LINGO1: variants seen among roughly 807,000 people sequenced by gnomAD.
LINGO1 encodes leucine rich repeat and Ig domain containing 1, also known as leucine-rich repeat and immunoglobulin-like domain-containing nogo receptor-interacting protein 1.
A neutral mutation model predicts 37.3 loss-of-function variants in LINGO1; 11 were observed. That is an observed-to-expected ratio of 0.29 (90% CI 0.19 to 0.49). The LOEUF is 0.49. Ranked by LOEUF, LINGO1 falls within the 20% of genes least tolerant of loss-of-function variation. LINGO1 has a pLI of 0.99. For missense variants in LINGO1, 585 were observed against 878.2 expected, an observed-to-expected ratio of 0.67 and a Z score of 4.22; for synonymous variants, 387 against 403.0, an observed-to-expected ratio of 0.96 and a Z score of 0.48.
chr15:77,799,845 G>A (rs1006778212), intron 1 of LINGO1, among the ~76,000 whole-genome samples: 1 of 152,088 alleles, frequency 6.6e-6, no homozygotes, highest in Non-Finnish European at 1.5e-5. Flanking sequence ...GAGAGTAAGA[G>A]GGAACACCTT....
chr15:77,633,132 C>T (rs368188344), upstream of LINGO1, among the ~76,000 whole-genome samples: 2 of 151,870 alleles, frequency 1.3e-5, no homozygotes, highest in Non-Finnish European at 2.9e-5. Context: ...GGTGCGCAGG[C>T]GAGGGGCGCA....
upstream of LINGO1, among the ~76,000 whole-genome samples, chr15:77,634,891 G>A (rs1243605143): frequency 6.6e-6 from 1 of 152,220 alleles, no homozygotes; most frequent in Non-Finnish European, 1.5e-5. Flanking sequence ...CCCGGCGGGC[G>A]CGCAGACCCG....
chr15:77,776,538 G>GCAGGAAGGCAGGAAAGC (rs1481155294), intron 1 of LINGO1, among the ~76,000 whole-genome samples: 1 of 34,350 alleles, frequency 2.9e-5, no homozygotes, highest in African/African-American at 9.6e-5. Flanking sequence ...GGGAGGGAGG[G>GCAGGAAGGCAGGAAAGC]AGGGAGGGAG....
intron 1 of LINGO1, among the ~76,000 whole-genome samples, chr15:77,801,039 G>A (rs1309295776): frequency 6.6e-6 from 1 of 152,190 alleles, no homozygotes; most frequent in African/African-American, 2.4e-5. Flanking sequence ...AGGATGTGGG[G>A]AAATGAGCAC....
chr15:77,686,353 G>A (rs1006437977), intron 2 of LINGO1, among the ~76,000 whole-genome samples: 1 of 152,200 alleles, frequency 6.6e-6, no homozygotes, highest in African/African-American at 2.4e-5. Flanking sequence ...GTTCACTCAG[G>A]CGAGAGTGGA....
chr15:77,700,333 C>A (rs941954922), upstream of LINGO1, among the ~76,000 whole-genome samples: 1 of 152,224 alleles, frequency 6.6e-6, no homozygotes, highest in Non-Finnish European at 1.5e-5. Flanking sequence ...GGAGAAGGGG[C>A]AGAGCTGGGA....
chr15:77,702,117 TC>T (rs1486559147), intron 2 of LINGO1, among the ~76,000 whole-genome samples: 8 of 152,010 alleles, frequency 5.3e-5, no homozygotes, highest in Non-Finnish European at 1.2e-4. Context: ...GGTGTTTAGT[TC>T]CCCCAAGGCT....
At chr15:77,650,073 G>A (rs544056104) in intron 3 of LINGO1, among the ~76,000 whole-genome samples, 1 of 152,338 alleles carries the variant, frequency 6.6e-6, no homozygotes, top group Non-Finnish European at 1.5e-5. Context: ...TAAGCTCAGA[G>A]GTAAAATTGC....
At chr15:77,713,789 C>T (rs751660821) in intron 2 of LINGO1, among the ~76,000 whole-genome samples, 17 of 152,248 alleles carry the variant, frequency 1.1e-4, no homozygotes, top group Middle Eastern at 6.8e-3. Context: ...TTTGCCCTTC[C>T]TTTAGGAACC....
chr15:77,699,295 TAACCGTC>T (rs985612543), upstream of LINGO1, among the ~76,000 whole-genome samples: 2 of 149,208 alleles, frequency 1.3e-5, no homozygotes, highest in African/African-American at 2.5e-5. Flanking sequence ...AAGTGCATAC[TAACCGTC>T]ATCCCTACAC....
intron 1 of LINGO1, among the ~76,000 whole-genome samples, chr15:77,775,080 G>A (rs999025960): frequency 6.6e-6 from 1 of 152,240 alleles, no homozygotes; most frequent in Non-Finnish European, 1.5e-5. Flanking sequence ...ATGCTCAGAC[G>A]TGGGTCATCC....
chr15:77,635,422 A>G (rs2074377435), upstream of LINGO1, among the ~76,000 whole-genome samples: 1 of 151,978 alleles, frequency 6.6e-6, no homozygotes, highest in Non-Finnish European at 1.5e-5. Context: ...CTGGGTCCCC[A>G]CCCAGTTACC....
chr15:77,798,431 C>T (rs1256929208), intron 1 of LINGO1, among the ~76,000 whole-genome samples: 12 of 152,238 alleles, frequency 7.9e-5, no homozygotes, highest in Non-Finnish European at 2.9e-5. Flanking sequence ...CCATTCCGGG[C>T]CCCCGGCTGC....
At chr15:77,662,963 G>C (rs893104396) in intron 3 of LINGO1, among the ~76,000 whole-genome samples, 2 of 152,208 alleles carry the variant, frequency 1.3e-5, no homozygotes, top group Non-Finnish European at 2.9e-5. Flanking sequence ...GGAAGCCGGT[G>C]CTTCACCACA....
intron 1 of LINGO1, among the ~76,000 whole-genome samples, chr15:77,811,548 G>A (rs1438725845): frequency 6.6e-6 from 1 of 152,132 alleles, no homozygotes; most frequent in Admixed American, 6.5e-5. Flanking sequence ...CTGTGCCTGC[G>A]GCTTGCTGGG....
chr15:77,703,773 G>A (rs1596133216), intron 2 of LINGO1, among the ~76,000 whole-genome samples: 1 of 152,136 alleles, frequency 6.6e-6, no homozygotes, highest in East Asian at 1.9e-4. Context: ...CTGGTGACAG[G>A]ACCTGCCTGC....
At chr15:77,668,732 G>A (rs2075187929) in intron 3 of LINGO1, among the ~76,000 whole-genome samples, 1 of 149,738 alleles carries the variant, frequency 6.7e-6, no homozygotes, top group Admixed American at 6.7e-5. Flanking sequence ...TACATTGTAC[G>A]GTATTCAACA....
At chr15:77,789,514 C>T (rs150065381), upstream of LINGO1, among the ~76,000 whole-genome samples, 6 of 152,062 alleles carry the variant, frequency 3.9e-5, no homozygotes, top group African/African-American at 1.2e-4. Flanking sequence ...GGCTGAGGCA[C>T]GAGAATTGCT....
At chr15:77,764,696 A>G (rs1407935034) in intron 1 of LINGO1, among the ~76,000 whole-genome samples, 4 of 152,156 alleles carry the variant, frequency 2.6e-5, no homozygotes, top group African/African-American at 9.7e-5. Flanking sequence ...AGCAACACCA[A>G]CTACTCATAC....
Sources: allele counts gnomAD v4.1 joint callset (sites outside exome capture counted in the v4.1 genomes callset), GRCh38; gene constraint gnomAD v4.1.1; transcripts MANE v1.5; gene names NCBI Gene and HGNC (gene_info 2026-07-23, HGNC 2026-07-21).